The following VPS45 variants were observed in gnomAD, a reference collection of about 807,000 sequenced individuals.
The protein encoded by VPS45 is vacuolar protein sorting-associated protein 45.
VPS45 carries 35 observed loss-of-function variants against 75.9 expected under a neutral mutation model. The ratio of observed to expected loss-of-function variants is 0.46; its 90% CI spans 0.35 to 0.61. The LOEUF (loss-of-function observed/expected upper bound fraction) is 0.61. VPS45 is among the 20% of genes least tolerant of loss of function. The pLI is 0.00. For missense variants in VPS45, 559 were observed against 685.9 expected (o/e 0.81, Z 2.07); for synonymous variants, 220 against 238.2 (o/e 0.92, Z 0.70).
chr1:150,131,560 C>T (rs1403285057), intron 14 of VPS45, among the ~76,000 whole-genome samples: 1 of 151,116 alleles, frequency 6.6e-6, no homozygotes, highest in Non-Finnish European at 1.5e-5. Flanking sequence ...ATCAGCTAGG[C>T]ACAGTGGCAC....
rs1559904010 is a variant in VPS45, at chr1:150,077,087, C to T, written c.439-7C>T. ...ATTTTCTCTGAATATATGTTTTTAA[C>T]AAAAAGGGTCGAAATTGGGATCCAG... On this transcript the variant is annotated splice_polypyrimidine_tract_variant and splice_region_variant and intron_variant, in intron 5 of 14. Coordinates refer to ENST00000644510, the MANE Select transcript of VPS45 (RefSeq NM_007259.5). The T allele has an allele frequency of 1.2e-6, 2 of 1,613,104 alleles. No homozygotes were observed. The highest frequency in any genetic ancestry group is 2.2e-5 in the East Asian group (1 of 44,846).
chr1:150,120,091 A>G (rs925381771), intron 14 of VPS45, among the ~76,000 whole-genome samples: 11 of 129,714 alleles, frequency 8.5e-5, no homozygotes, highest in Admixed American at 2.6e-4. Context: ...CTGGGCAACA[A>G]GAGTGAAACT....
chr1:150,130,432 T>C (rs1194814303), intron 14 of VPS45, among the ~76,000 whole-genome samples: 2 of 152,048 alleles, frequency 1.3e-5, no homozygotes, highest in Non-Finnish European at 2.9e-5. Flanking sequence ...GCTCAAGTGA[T>C]CTGCCTGCCT....
chr1:150,126,377 A>AT (rs1166019012), intron 14 of VPS45, among the ~76,000 whole-genome samples: 4 of 150,656 alleles, frequency 2.7e-5, no homozygotes, highest in African/African-American at 4.9e-5. Flanking sequence ...TGCCTGGCTA[A>AT]TTTTTTTTTG....
Position 150,076,648 on chromosome 1 carries a change from T to C in VPS45, c.370-268T>C, listed in dbSNP as rs192722078. The C allele has an allele frequency of 1.8e-4, 90 of 512,104 alleles. 2 individuals are homozygous for C. In the East Asian group the frequency reaches 2.4e-3, roughly 14 times the overall value. The allele number at this position is 512,104 out of a possible 1,614,324, so 31.7% of individuals were successfully genotyped here. A position where few individuals can be genotyped will look rare whatever the true frequency, so the allele number is the denominator to read the frequency against. On this transcript the variant is annotated intron_variant, in intron 4 of 14. Coordinates refer to ENST00000644510, the MANE Select transcript of VPS45 (RefSeq NM_007259.5). ...GCAGTATTTTATTTTTACTAATTGA[T>C]AAGTATGCATAGAGGTCTCCAGAAA...
intron 10 of VPS45, among the ~76,000 whole-genome samples, chr1:150,085,547 T>C (rs182167580): frequency 6.6e-6 from 1 of 152,242 alleles, no homozygotes; most frequent in East Asian, 1.9e-4. Context: ...AAACGACTTA[T>C]TTGGCAACAT....
intron 14 of VPS45, among the ~76,000 whole-genome samples, chr1:150,135,478 C>A (rs1173457467): frequency 2.6e-5 from 4 of 152,054 alleles, no homozygotes; most frequent in African/African-American, 9.7e-5. Context: ...GTTGGCCAGG[C>A]TGGTCGCGAA....
Position 150,067,915 on chromosome 1 carries a change from C to T in VPS45, c.58C>T (p.Pro20Ser). The T allele has an allele frequency of 1.2e-6, 2 of 1,614,154 alleles. No individual in the cohort carries two copies. The highest frequency in any genetic ancestry group is 1.6e-4 in the Middle Eastern group (1 of 6,062). The change falls in exon 1 of 15, where the codon CCT becomes TCT. Residue 20 changes from proline (P) to serine (S), a missense_variant. By Grantham distance (74) the Pro-to-Ser change is moderately conservative. Transcript: ENST00000644510. ...YISKMIEDSG[P>S]GMKVLLMDKE... ...TTCCAAAATGATAGAGGACAGCGGG[C>T]CTGGTATGAAAGTACTTCTCATGGA...
At chr1:150,069,334 G>GT (rs782635063) in intron 2 of VPS45, among the ~76,000 whole-genome samples, 163 of 145,640 alleles carry the variant, frequency 1.1e-3, no homozygotes, top group East Asian at 3.2e-3. Context: ...CCTGTTCCTT[G>GT]TTTTTTTTTT....
intron 14 of VPS45, among the ~76,000 whole-genome samples, chr1:150,144,118 A>AT (rs1334757412): frequency 0.99 from 148,839 of 149,970 alleles, 73,863 homozygotes; most frequent in East Asian, 1. Flanking sequence ...TTATTTTTTA[A>AT]TTTTTTTTTT....
chr1:150,129,203 A>G (rs587597170), intron 14 of VPS45, among the ~76,000 whole-genome samples: 1 of 152,284 alleles, frequency 6.6e-6, no homozygotes, highest in African/African-American at 2.4e-5. Flanking sequence ...TAAGGATCTC[A>G]ATGTCTAATA....
intron 3 of VPS45, 60 bp downstream of exon 3, chr1:150,072,286 T>A: frequency 8.1e-7 from 1 of 1,235,958 alleles, no homozygotes; most frequent in Non-Finnish European, 1.2e-6. Context: ...TGTGTTTCAT[T>A]GAGCCCTTCA....
chr1:150,139,493 TG>T (rs1444458086), intron 14 of VPS45, among the ~76,000 whole-genome samples: 2 of 152,166 alleles, frequency 1.3e-5, no homozygotes, highest in African/African-American at 4.8e-5. Flanking sequence ...TTTGGGGGGA[TG>T]TTTTTTATGG....
chr1:150,084,806 G>A (rs1553800331), intron 10 of VPS45, among the ~76,000 whole-genome samples: 1 of 152,144 alleles, frequency 6.6e-6, no homozygotes, highest in Non-Finnish European at 1.5e-5. Context: ...AAGTCTTGGG[G>A]ATTATGATTT....
Position 150,093,549 on chromosome 1 carries a change from A to G in VPS45, c.1394A>G (p.Gln465Arg). ...GLKGVENVYT[Q>R]HQPFLHETLD... ...TAGGGAGTAGAAAATGTATATACAC[A>G]GCATCAACCTTTCCTACATGAAACC... is the stretch of plus-strand genomic sequence containing the variant. The change falls in exon 13 of 15, where the codon CAG (glutamine) becomes CGG (arginine). Residue 465 changes from glutamine (Q) to arginine (R), a missense_variant. Coordinates refer to ENST00000644510, the MANE Select transcript of VPS45 (RefSeq NM_007259.5). The G allele has an allele frequency of 6.2e-7, 1 of 1,613,904 alleles. No homozygotes were observed. Among genetic ancestry groups the G allele is most frequent in the Non-Finnish European group, 8.5e-7 (1 of 1,179,912 alleles).
intron 13 of VPS45, among the ~76,000 whole-genome samples, chr1:150,101,350 A>G (rs1340604539): frequency 6.6e-6 from 1 of 152,210 alleles, no homozygotes; most frequent in Non-Finnish European, 1.5e-5. Flanking sequence ...GCATATGAAA[A>G]AAAACTCAGT....
At chr1:150,076,756 G>T (rs587665403) in intron 4 of VPS45, 160 bp from the exon 5 acceptor site, 2 of 669,674 alleles carry the variant, frequency 3.0e-6, no homozygotes, top group Non-Finnish European at 2.5e-6. Flanking sequence ...ATTCTCCCAC[G>T]TTGACTGTTG....
chr1:150,100,815 A>G (rs782328406), intron 13 of VPS45, among the ~76,000 whole-genome samples: 3 of 152,234 alleles, frequency 2.0e-5, no homozygotes, highest in Non-Finnish European at 4.4e-5. Context: ...CTTACACGGT[A>G]TACAAAAATT....
At chr1:150,124,716 ATTT>A (rs58720904) in intron 14 of VPS45, among the ~76,000 whole-genome samples, 1 of 138,610 alleles carries the variant, frequency 7.2e-6, no homozygotes, top group Non-Finnish European at 1.5e-5. Flanking sequence ...CACCTGGCTA[ATTT>A]TTTTTTTTTT....
Sources: allele counts gnomAD v4.1 joint callset (sites outside exome capture counted in the v4.1 genomes callset), GRCh38; gene constraint gnomAD v4.1.1; transcripts MANE v1.5; gene names NCBI Gene and HGNC (gene_info 2026-07-23, HGNC 2026-07-21).